NUMB: variants seen among roughly 807,000 people sequenced by gnomAD.
The protein encoded by NUMB is NUMB endocytic adaptor protein, also known as protein numb homolog.
In NUMB, 29 loss-of-function variants were observed where a neutral mutation model predicts 59.7. The observed-to-expected ratio is 0.49, with a 90% CI of 0.36 to 0.66. NUMB has a LOEUF of 0.66. NUMB is among the 30% of genes least tolerant of loss of function. The pLI, the probability that NUMB is intolerant of heterozygous loss-of-function variation, is 0.00. For synonymous variants in NUMB, 288 were observed against 288.2 expected (o/e 1.00, Z 0.01); for missense variants, 723 against 822.0 (o/e 0.88, Z 1.47).
At position 73,334,639 on chromosome 14, in the gene NUMB, A is replaced by C. The variant is rs77726549; in HGVS notation, c.127-11435T>G. On this transcript the variant is annotated intron_variant, in intron 4 of 12. Coordinates refer to ENST00000555238, the MANE Select transcript of NUMB (RefSeq NM_001005743.2). Reference sequence around the variant, plus strand: ...ATAGTTTCCTAGAATATTTACAGCTAATCTAAAATTTTAAATGTATTAGCA... The same window carrying C: ...ATAGTTTCCTAGAATATTTACAGCTCATCTAAAATTTTAAATGTATTAGCA... Among the ~76,000 whole-genome samples, 702 of 152,262 alleles carry C rather than the reference A, an allele frequency of 4.6e-3. 4 individuals carry two copies. The highest frequency in any genetic ancestry group is 0.03 in the South Asian group (144 of 4,828).
chr14:73,378,173 G>A (rs1017924995), intron 2 of NUMB, among the ~76,000 whole-genome samples: 5 of 152,146 alleles, frequency 3.3e-5, no homozygotes, highest in Admixed American at 2.6e-4. Context: ...CATATGTCAT[G>A]AGGGAACTGC....
chr14:73,290,287 A>G (rs1011879118), intron 8 of NUMB, among the ~76,000 whole-genome samples: 5 of 152,224 alleles, frequency 3.3e-5, no homozygotes, highest in African/African-American at 9.6e-5. Flanking sequence ...TGTCAAACCA[A>G]TGAAGGACAG....
chr14:73,435,912 GAGAGA>G (rs1566796198), intron 1 of NUMB, among the ~76,000 whole-genome samples: 1 of 151,536 alleles, frequency 6.6e-6, no homozygotes, highest in East Asian at 2.0e-4. Flanking sequence ...AGGCTGATGT[GAGAGA>G]ATTGCTTGAA....
At chr14:73,293,004 T>G in intron 7 of NUMB, 130 bp from the exon 8 acceptor site, 1 of 908,292 alleles carries the variant, frequency 1.1e-6, no homozygotes, top group Admixed American at 2.6e-5. Flanking sequence ...TACCTAGATC[T>G]GTGTCCAGCA....
At chr14:73,327,812 G>T (rs1438392669) in intron 4 of NUMB, among the ~76,000 whole-genome samples, 2 of 151,916 alleles carry the variant, frequency 1.3e-5, no homozygotes. Context: ...TTTGACAAAT[G>T]TATACAGCTG....
intron 2 of NUMB, among the ~76,000 whole-genome samples, chr14:73,383,181 C>A (rs1157015827): frequency 6.6e-6 from 1 of 151,958 alleles, no homozygotes; most frequent in Non-Finnish European, 1.5e-5. Flanking sequence ...AAATGGGGAT[C>A]CAGGGATCCA....
At position 73,386,966 on chromosome 14, in the gene NUMB, C is replaced by T. The variant is rs1895571558; in HGVS notation, c.-100-19985G>A. On this transcript the variant is annotated intron_variant, in intron 2 of 12. Transcript: ENST00000555238. ...CGGGATCTCGGCTCACTGCAAGCTC[C>T]GCCTCCCGGGTTCACGCCATTCTCC... is the stretch of plus-strand genomic sequence containing the variant. 2.8e-5 allele frequency among the ~76,000 whole-genome samples: 4 copies of T among 142,146 alleles called. No homozygotes were observed. In the South Asian group the frequency reaches 9.4e-4, roughly 33 times the overall value. The allele number at this position is 142,146 out of a possible 152,430, so 93.3% of individuals were successfully genotyped here. A position where few individuals can be genotyped will look rare whatever the true frequency, so the allele number is the denominator to read the frequency against.
At chr14:73,337,155 T>C in intron 4 of NUMB, among the ~76,000 whole-genome samples, 1 of 152,010 alleles carries the variant, frequency 6.6e-6, no homozygotes, top group Non-Finnish European at 1.5e-5. Flanking sequence ...AAAATCATAA[T>C]CATCTCAATA....
At chr14:73,311,344 G>A (rs1008568945) in intron 6 of NUMB, among the ~76,000 whole-genome samples, 3 of 152,188 alleles carry the variant, frequency 2.0e-5, no homozygotes, top group African/African-American at 7.2e-5. Flanking sequence ...ATGAGCCACC[G>A]TGCCCGGCCA....
chr14:73,307,556 A>C (rs1890519038), intron 6 of NUMB, among the ~76,000 whole-genome samples: 1 of 152,022 alleles, frequency 6.6e-6, no homozygotes, highest in African/African-American at 2.4e-5. Context: ...TGAGGAGGCT[A>C]GTGTGGCTGG....
At chr14:73,279,098 C>A (rs1888423710) in intron 12 of NUMB, among the ~76,000 whole-genome samples, 183 bp downstream of exon 12, 1 of 152,212 alleles carries the variant, frequency 6.6e-6, no homozygotes, top group East Asian at 1.9e-4. Flanking sequence ...TAATGACTAT[C>A]AGTCTGATCT....
chr14:73,344,424 T>A (rs1419973290), intron 4 of NUMB, among the ~76,000 whole-genome samples: 1 of 152,230 alleles, frequency 6.6e-6, no homozygotes, highest in Non-Finnish European at 1.5e-5. Flanking sequence ...AAAAATACTA[T>A]CTGTTCTAAT....
chr14:73,397,977 G>A (rs549772306), intron 2 of NUMB, among the ~76,000 whole-genome samples: 22 of 152,258 alleles, frequency 1.4e-4, no homozygotes, highest in African/African-American at 3.6e-4. Context: ...TCTAGCCCTG[G>A]AGCATCAAGG....
At chr14:73,290,739 G>T (rs1227339589) in intron 8 of NUMB, among the ~76,000 whole-genome samples, 1 of 152,132 alleles carries the variant, frequency 6.6e-6, no homozygotes. Context: ...TCTGATTTTA[G>T]ATTTTTTTCA....
intron 6 of NUMB, among the ~76,000 whole-genome samples, chr14:73,306,466 T>C (rs918044248): frequency 3.9e-5 from 6 of 152,216 alleles, no homozygotes; most frequent in African/African-American, 1.2e-4. Context: ...AACCCCTTGG[T>C]CATCCATGAA....
chr14:73,288,475 C>A (rs1021851600), intron 8 of NUMB, among the ~76,000 whole-genome samples: 1 of 152,060 alleles, frequency 6.6e-6, no homozygotes, highest in African/African-American at 2.4e-5. Flanking sequence ...TGCTTGAAGT[C>A]GGGAAGTAGA....
At chr14:73,362,044 C>T (rs181828888) in intron 3 of NUMB, among the ~76,000 whole-genome samples, 53 of 152,168 alleles carry the variant, frequency 3.5e-4, no homozygotes, top group Non-Finnish European at 1.0e-4. Flanking sequence ...ATTGCTTGAG[C>T]CCATGAATTC....
At chr14:73,325,914 T>C (rs1374808930) in intron 4 of NUMB, among the ~76,000 whole-genome samples, 1 of 152,192 alleles carries the variant, frequency 6.6e-6, no homozygotes, top group East Asian at 1.9e-4. Context: ...TTTGGTAGAA[T>C]GGTGATTCCA....
At chr14:73,428,772 A>G (rs1897696002) in intron 1 of NUMB, among the ~76,000 whole-genome samples, 1 of 152,206 alleles carries the variant, frequency 6.6e-6, no homozygotes, top group Non-Finnish European at 1.5e-5. Flanking sequence ...TGATCACACC[A>G]CTGCACTCCA....
Sources: allele counts gnomAD v4.1 joint callset (sites outside exome capture counted in the v4.1 genomes callset), GRCh38; gene constraint gnomAD v4.1.1; transcripts MANE v1.5; gene names NCBI Gene and HGNC (gene_info 2026-07-23, HGNC 2026-07-21).